Variants in KLHL1 observed in about 807,000 individuals in gnomAD.
The protein encoded by KLHL1 is kelch like family member 1.
KLHL1 carries 47 observed loss-of-function variants against 77.7 expected under a neutral mutation model. That is an observed-to-expected ratio of 0.60 (90% CI 0.48 to 0.77). The LOEUF is 0.77. Among genes scored for constraint, KLHL1 ranks in the 30% least tolerant of loss-of-function variants. The pLI, the probability that KLHL1 is intolerant of heterozygous loss-of-function variation, is 0.00. For missense variants in KLHL1, 925 were observed against 910.8 expected (o/e 1.02, Z -0.20); for synonymous variants, 360 against 325.2 (o/e 1.11, Z -1.15).
intron 8 of KLHL1, among the ~76,000 whole-genome samples, chr13:69,722,595 A>G (rs1437305266): frequency 6.6e-6 from 1 of 152,098 alleles, no homozygotes; most frequent in African/African-American, 2.4e-5. Context: ...TCATAACCAC[A>G]ATGAGATATC....
At chr13:69,970,945 G>A (rs953186344) in intron 2 of KLHL1, among the ~76,000 whole-genome samples, 1 of 152,014 alleles carries the variant, frequency 6.6e-6, no homozygotes. Flanking sequence ...TTCATGCCTG[G>A]ATTAACCAAA....
chr13:70,055,134 A>G (rs887145633), intron 1 of KLHL1, among the ~76,000 whole-genome samples: 1 of 151,994 alleles, frequency 6.6e-6, no homozygotes, highest in Non-Finnish European at 1.5e-5. Context: ...TATTAACCAC[A>G]CTCCCAAAGG....
At chr13:69,709,746 A>T (rs1339660352) in intron 9 of KLHL1, among the ~76,000 whole-genome samples, 1 of 152,034 alleles carries the variant, frequency 6.6e-6, no homozygotes, top group Non-Finnish European at 1.5e-5. Flanking sequence ...ACTTTAGGGA[A>T]AAAAGGAAGG....
chr13:69,939,356 T>TATACATATACATAC (rs1383081930), intron 4 of KLHL1, among the ~76,000 whole-genome samples: 1 of 78,494 alleles, frequency 1.3e-5, no homozygotes, highest in African/African-American at 4.9e-5. Context: ...TATATATATA[T>TATACATATACATAC]ATATATATAT....
chr13:70,090,050 C>A (rs976487677), intron 1 of KLHL1, among the ~76,000 whole-genome samples: 1 of 152,010 alleles, frequency 6.6e-6, no homozygotes, highest in African/African-American at 2.4e-5. Flanking sequence ...TAGAATTAAT[C>A]GTCATAGAAT....
chr13:70,035,395 C>T (rs1341567116), intron 1 of KLHL1, among the ~76,000 whole-genome samples: 18 of 151,748 alleles, frequency 1.2e-4, no homozygotes. Context: ...CAATTGAAAA[C>T]ATGAGGATAG....
In KLHL1 at chr13:70,094,913, C is replaced by G. The variant is rs538044141; in HGVS notation, c.497+12290G>C. The stretch of plus-strand genomic sequence containing the variant: ...CTAAGCTAGTGAAGGAAATTAATGA[C>G]AAGAGAAGTGAGAAAGTAGCCAGTA... On this transcript the variant is annotated intron_variant, in intron 1 of 10. Transcript: ENST00000377844. 3.3e-5 allele frequency among the ~76,000 whole-genome samples: 5 copies of G among 152,186 alleles called. No individual in the cohort carries two copies. The South Asian group carries it at 1.0e-3, about 32-fold the overall frequency.
rs376915441 is a variant in KLHL1 at position 69,952,687 on chromosome 13, AT to A, written c.817+8620del. Among the ~76,000 whole-genome samples the A allele has an allele frequency of 1.5e-4, 22 of 151,464 alleles. No individual in the cohort carries two copies. In the East Asian group the frequency reaches 2.7e-3, roughly 19 times the overall value. On this transcript the variant is annotated intron_variant, in intron 3 of 10. Transcript: ENST00000377844. ...AGCTAACATGTGTTTTCCTGGTTGG[AT>A]TGCACTTAGCATCCTTCAACTGAGG...
intron 10 of KLHL1, 136 bp downstream of exon 10, chr13:69,707,489 C>A: frequency 2.9e-6 from 2 of 696,830 alleles, no homozygotes; most frequent in African/African-American, 1.8e-5. Context: ...ACAAAATCAA[C>A]ACAATATTGG....
chr13:69,951,288 T>C (rs1338909295), intron 3 of KLHL1, among the ~76,000 whole-genome samples: 3 of 151,526 alleles, frequency 2.0e-5, no homozygotes, highest in Non-Finnish European at 4.4e-5. Context: ...ACAAAAGCCA[T>C]AACTTGGCTT....
chr13:70,014,890 T>G (rs1885620256), intron 1 of KLHL1, among the ~76,000 whole-genome samples: 1 of 152,152 alleles, frequency 6.6e-6, no homozygotes, highest in African/African-American at 2.4e-5. Context: ...TCTAGAAGTA[T>G]GTATTGCTGT....
At chr13:70,071,735 A>G (rs1284990498) in intron 1 of KLHL1, among the ~76,000 whole-genome samples, 5 of 152,126 alleles carry the variant, frequency 3.3e-5, no homozygotes, top group Non-Finnish European at 7.4e-5. Context: ...TAACATATAG[A>G]TCAATAAGAA....
At position 69,939,390 on chromosome 13, in the gene KLHL1, C is replaced by CAT. The variant is rs1243271608; in HGVS notation, c.1014+649_1014+650insAT. Among the ~76,000 whole-genome samples, 487 of 124,134 alleles carry CAT rather than the reference C, an allele frequency of 3.9e-3. 12 individuals carry two copies. The highest frequency in any genetic ancestry group is 0.015 in the African/African-American group (457 of 30,384). The allele number at this position is 124,134 out of a possible 152,430, so 81.4% of individuals were successfully genotyped here. A position where few individuals can be genotyped will look rare whatever the true frequency, so the allele number is the denominator to read the frequency against. ...ATATATATATATATACACACACACACGCACACACATACAGGGAATAAAAGG... is the reference window on the plus strand; with the variant it reads ...ATATATATATATATACACACACACACATGCACACACATACAGGGAATAAAAGG... On this transcript the variant is annotated intron_variant, in intron 4 of 10. Coordinates refer to ENST00000377844, the MANE Select transcript of KLHL1 (RefSeq NM_020866.3).
intron 1 of KLHL1, among the ~76,000 whole-genome samples, chr13:70,093,453 C>A (rs1031824533): frequency 1.3e-5 from 2 of 152,102 alleles, no homozygotes; most frequent in Non-Finnish European, 2.9e-5. Flanking sequence ...AAGAGTAATA[C>A]ATTTTTAATA....
intron 7 of KLHL1, among the ~76,000 whole-genome samples, chr13:69,778,792 C>CTTTT (rs1172258314): frequency 2.2e-3 from 217 of 99,184 alleles, no homozygotes; most frequent in Non-Finnish European, 2.7e-3. Flanking sequence ...TATTCCCTCT[C>CTTTT]TTTTTTTTTT....
rs545554709 is a variant in KLHL1, at chr13:69,933,117, T to G, written c.1014+6923A>C. 2.1e-3 allele frequency among the ~76,000 whole-genome samples: 316 copies of G among 152,156 alleles called. 1 individual carries two copies. Among genetic ancestry groups the G allele is most frequent in the African/African-American group, 7.0e-3 (291 of 41,552 alleles). Reference sequence around the variant, plus strand: ...AACGTTCATTATACTCACCCTGACCTTTTCATTTCATATATACTTACAAAG... The same window carrying G: ...AACGTTCATTATACTCACCCTGACCGTTTCATTTCATATATACTTACAAAG... On this transcript the variant is annotated intron_variant, in intron 4 of 10. Transcript: ENST00000377844.
intron 2 of KLHL1, among the ~76,000 whole-genome samples, chr13:69,970,850 A>C (rs1178277830): frequency 1.3e-5 from 2 of 152,098 alleles, no homozygotes; most frequent in Non-Finnish European, 2.9e-5. Flanking sequence ...TTCCAGGCTC[A>C]GGCTCTCACA....
In KLHL1 at chr13:69,841,442, A is replaced by AT. The variant is rs138402941; in HGVS notation, c.1228-2281_1228-2280insA. On this transcript the variant is annotated intron_variant, in intron 5 of 10. Coordinates refer to ENST00000377844, the MANE Select transcript of KLHL1 (RefSeq NM_020866.3). ...ATAACAATCTAGTTGAGAAAAAAAA[A>AT]CAAGTAGTCCATTTTATTTACAGTG... is the stretch of plus-strand genomic sequence containing the variant. Among the ~76,000 whole-genome samples, 1,357 of 151,922 alleles carry AT rather than the reference A, an allele frequency of 8.9e-3. 19 individuals carry two copies. The highest frequency in any genetic ancestry group is 0.031 in the African/African-American group (1,271 of 41,476).
chr13:69,784,217 C>A (rs1414323815), intron 7 of KLHL1, among the ~76,000 whole-genome samples: 2 of 152,104 alleles, frequency 1.3e-5, no homozygotes, highest in African/African-American at 4.8e-5. Flanking sequence ...CCGGTACCAG[C>A]CACTGCAAAA....
Sources: allele counts gnomAD v4.1 joint callset (sites outside exome capture counted in the v4.1 genomes callset), GRCh38; gene constraint gnomAD v4.1.1; transcripts MANE v1.5; gene names NCBI Gene and HGNC (gene_info 2026-07-23, HGNC 2026-07-21).